The following CDC25C variants were observed in gnomAD, a reference collection of about 807,000 sequenced individuals.
The protein encoded by CDC25C is M-phase inducer phosphatase 3.
A neutral mutation model predicts 52.5 loss-of-function variants in CDC25C; 48 were observed. That is an observed-to-expected ratio of 0.91 (90% confidence interval 0.72 to 1.16). The LOEUF (loss-of-function observed/expected upper bound fraction) is 1.16, where lower values mean the gene tolerates loss of function less well. CDC25C is among the 50% of genes most tolerant of loss of function. The probability of loss-of-function intolerance (pLI) is 0.00; values close to 1 mark genes in which losing one functional copy is unlikely to be tolerated. For missense variants in CDC25C, 510 were observed against 566.1 expected (o/e 0.90, Z 1.01); for synonymous variants, 187 against 206.5 (o/e 0.91, Z 0.81).
chr5:138,331,943 T>G (rs1468638380), upstream of CDC25C: 2 of 970,386 alleles, frequency 2.1e-6, no homozygotes, highest in Non-Finnish European at 2.4e-6. Flanking sequence ...GCAGATCACC[T>G]GGGGGCGTGT....
intron 7 of CDC25C, among the ~76,000 whole-genome samples, chr5:138,317,682 T>TAAAAAAAA (rs70982706): frequency 5.5e-4 from 30 of 54,058 alleles, no homozygotes; most frequent in East Asian, 1.4e-3. Flanking sequence ...CCTGTCTATC[T>TAAAAAAAA]AAAAAAAAAA....
intron 7 of CDC25C, among the ~76,000 whole-genome samples, chr5:138,293,491 T>C (rs377404555): frequency 2.6e-5 from 4 of 152,106 alleles, no homozygotes; most frequent in Admixed American, 1.3e-4. Flanking sequence ...CTGGTCTCCA[T>C]GACAGACAGG....
At chr5:138,316,097 G>A (rs1265424854) in intron 7 of CDC25C, among the ~76,000 whole-genome samples, 1 of 152,192 alleles carries the variant, frequency 6.6e-6, no homozygotes, top group African/African-American at 2.4e-5. Flanking sequence ...TGGGGGCCGG[G>A]AGCAGGCAGG....
chr5:138,310,192 T>C (rs943789870), intron 7 of CDC25C, among the ~76,000 whole-genome samples: 1 of 152,174 alleles, frequency 6.6e-6, no homozygotes, highest in Non-Finnish European at 1.5e-5. Context: ...TCATCCACCA[T>C]TGGCAATCTT....
At chr5:138,328,403 T>C (rs113685197) in intron 4 of CDC25C, 81 bp downstream of exon 4, 44 of 1,310,870 alleles carry the variant, frequency 3.4e-5, no homozygotes, top group Non-Finnish European at 8.8e-6. Context: ...TTTTGTACTC[T>C]GCAGAGTCTG....
rs545276321 is a variant in CDC25C, at chr5:138,324,359, T to G, written c.459+1456A>C. Among the ~76,000 whole-genome samples, 26 of 152,130 alleles carry G rather than the reference T, an allele frequency of 1.7e-4. No homozygotes were observed. In the South Asian group the frequency reaches 5.2e-3, roughly 30 times the overall value. On this transcript the variant is annotated intron_variant, in intron 6 of 13. Coordinates refer to ENST00000323760, the MANE Select transcript of CDC25C (RefSeq NM_001790.5). ...TTCTTGTAACTTTTTTAGAAATGAA[T>G]CGGAGAAAGTATCAAAACCTTAAGG... is the stretch of plus-strand genomic sequence containing the variant.
At chr5:138,329,726 C>CTTTTTTTTTTTTTTTTT (rs71574413) in intron 2 of CDC25C, 79 bp from the exon 3 acceptor site, 1 of 264,458 alleles carries the variant, frequency 3.8e-6, no homozygotes, top group Non-Finnish European at 6.6e-6. Flanking sequence ...TCATCCTCTT[C>CTTTTTTTTTTTTTTTTT]TTTTTTTTTT....
chr5:138,319,200 C>G lies in CDC25C; in HGVS notation c.615+19G>C. ...AAGGAATATGAAGAATACAAAGATA[C>G]TACCACAGAACACTTTACCTTTGCT... On this transcript the variant is annotated intron_variant, in intron 7 of 13. Coordinates refer to ENST00000323760, the MANE Select transcript of CDC25C (RefSeq NM_001790.5). 1.9e-6 allele frequency: 3 copies of G among 1,594,912 alleles called. No homozygotes were observed. Among genetic ancestry groups the G allele is most frequent in the Non-Finnish European group, 2.6e-6 (3 of 1,165,962 alleles).
At position 138,287,091 on chromosome 5, in the gene CDC25C, AC is replaced by A. The variant is rs562246277; in HGVS notation, c.1026+77del. The A allele has an allele frequency of 3.0e-3, 2,785 of 937,788 alleles. 46 individuals are homozygous for A. Among genetic ancestry groups the A allele is most frequent in the Non-Finnish European group, 7.0e-4 (413 of 585,866 alleles). The allele number at this position is 937,788 out of a possible 1,614,324, so 58.1% of individuals were successfully genotyped here. On this transcript the variant is annotated intron_variant, in intron 11 of 13. Transcript: ENST00000323760. ...TTTGTCCTGACTCTAGAGTTCATAG[AC>A]CCCTTTGTCCACAGACTCTTCTCAA... is the stretch of plus-strand genomic sequence containing the variant.
intron 7 of CDC25C, among the ~76,000 whole-genome samples, chr5:138,294,811 G>A (rs1294242650): frequency 1.3e-5 from 2 of 150,498 alleles, no homozygotes. Flanking sequence ...GCCCCGCTCA[G>A]CTAATTTTCC....
chr5:138,293,435 G>T (rs1756908402), intron 7 of CDC25C, among the ~76,000 whole-genome samples: 1 of 152,108 alleles, frequency 6.6e-6, no homozygotes, highest in Non-Finnish European at 1.5e-5. Context: ...TCAACCAAAG[G>T]TAGGGTAGGA....
At chr5:138,289,382 A>G in intron 10 of CDC25C, 119 bp downstream of exon 10, 1 of 711,758 alleles carries the variant, frequency 1.4e-6, no homozygotes, top group Non-Finnish European at 2.5e-6. Context: ...TCAGTTGAAT[A>G]AGGAGCCTGT....
At position 138,287,277 on chromosome 5, in the gene CDC25C, A is replaced by C. The variant is rs1756334125; in HGVS notation, c.928-10T>G. On this transcript the variant is annotated splice_polypyrimidine_tract_variant and intron_variant, in intron 10 of 13. Coordinates refer to ENST00000323760, the MANE Select transcript of CDC25C (RefSeq NM_001790.5). ...ACAGTAAGGCAGCCACCTGGACAGA[A>C]ACAATGACTGAATATTCTGCTCACT... is the stretch of plus-strand genomic sequence containing the variant. The C allele has an allele frequency of 6.3e-7, 1 of 1,599,550 alleles. No homozygotes were observed. The highest frequency in any genetic ancestry group is 1.3e-5 in the African/African-American group (1 of 74,628).
intron 7 of CDC25C, among the ~76,000 whole-genome samples, chr5:138,303,106 C>T (rs1757758161): frequency 6.6e-6 from 1 of 152,070 alleles, no homozygotes. Flanking sequence ...CCTGTTCCTG[C>T]TAAAATCTCC....
chr5:138,286,603 CT>C lies in CDC25C; in HGVS notation c.1053del (p.Glu352AsnfsTer7). 6.2e-7 allele frequency: 1 copy of C among 1,613,578 alleles called. No individual in the cohort carries two copies. Among genetic ancestry groups the C allele is most frequent in the African/African-American group, 1.3e-5 (1 of 75,024 alleles). On this transcript the variant is annotated frameshift_variant, in exon 12 of 14. Coordinates refer to ENST00000323760, the MANE Select transcript of CDC25C (RefSeq NM_001790.5). LOFTEE classifies it high-confidence loss of function. ...TTCTTCAGAAAGAAGTTAAACAGTT[CT>C]TCCTGACTATATAAGTTTAAGGCTC... is the stretch of plus-strand genomic sequence containing the variant. ...IQGALNLYSQEELFNFFLKKP... is the reference protein window; with the variant it reads ...IQGALNLYSQXELFNFFLKKP...
exon 1 of CDC25C, chr5:138,338,294 C>G (rs889604237): frequency 8.8e-6 from 6 of 679,820 alleles, no homozygotes; most frequent in Non-Finnish European, 1.4e-5. Context: ...GCCCTGGGAG[C>G]TGGAGGAACC....
At chr5:138,326,720 G>A (rs577739432) in intron 4 of CDC25C, among the ~76,000 whole-genome samples, 1 of 152,006 alleles carries the variant, frequency 6.6e-6, no homozygotes, top group African/African-American at 2.4e-5. Flanking sequence ...TTGGGAGTTC[G>A]AGGCAGGCGG....
chr5:138,286,505 G>A lies in CDC25C; in HGVS notation c.1152C>T (p.Gly384=). 1.2e-6 allele frequency: 2 copies of A among 1,610,976 alleles called. No individual in the cohort carries two copies. Among genetic ancestry groups the A allele is most frequent in the Non-Finnish European group, 1.7e-6 (2 of 1,178,596 alleles). The change falls in exon 12 of 14, where the codon GGC becomes GGT. Residue 384 remains glycine, a synonymous_variant. Coordinates refer to ENST00000323760, the MANE Select transcript of CDC25C (RefSeq NM_001790.5). ...CCCATTTAGACACTCACATTCGGGG[G>A]CCCCTCTCTGAGGAGAATTCACAGT... ...VFHCEFSSER[G]PRMCRCLREE... is the part of the protein sequence containing the mutation.
In CDC25C at chr5:138,329,647, T is replaced by G. The variant is rs1435881152; in HGVS notation, c.195A>C (p.Gly65=). 8.2e-6 allele frequency: 13 copies of G among 1,582,826 alleles called. 1 individual carries two copies. The highest frequency in any genetic ancestry group is 3.3e-4 in the Middle Eastern group (2 of 6,000). The part of the protein sequence containing the change: ...GDSANLSILS[G]GTPKRCLDLS... ...GATCGAGGCAACGTTTTGGGGTTCC[T>G]CTGTTGAGACATAATAGTACATCGA... The change falls in exon 3 of 14, where the codon GGA becomes GGC. Residue 65 remains glycine, a splice_region_variant and synonymous_variant. Coordinates refer to ENST00000323760, the MANE Select transcript of CDC25C (RefSeq NM_001790.5).
Sources: allele counts gnomAD v4.1 joint callset (sites outside exome capture counted in the v4.1 genomes callset), GRCh38; gene constraint gnomAD v4.1.1; transcripts MANE v1.5; gene names NCBI Gene and HGNC (gene_info 2026-07-23, HGNC 2026-07-21).